The following TPM3 variants were observed in gnomAD, a reference collection of about 807,000 sequenced individuals.
TPM3 encodes tropomyosin 3, also known as tropomyosin alpha-3 chain.
A neutral mutation model predicts 43.1 loss-of-function variants in TPM3; 16 were observed. The ratio of observed to expected loss-of-function variants is 0.37; its 90% CI spans 0.25 to 0.56. The LOEUF (loss-of-function observed/expected upper bound fraction) is 0.56. Ranked by LOEUF, TPM3 falls within the 20% of genes least tolerant of loss-of-function variation. TPM3 has a pLI of 0.77. For synonymous variants in TPM3, 101 were observed against 116.9 expected (o/e 0.86, Z 0.88); for missense variants, 176 against 337.2 (o/e 0.52, Z 3.74).
chr1:154,172,415 A>ATT (rs200258420), intron 5 of TPM3: 6 of 565,580 alleles, frequency 1.1e-5, no homozygotes, highest in East Asian at 4.3e-5. Flanking sequence ...CAGACACCAG[A>ATT]TTTTTTTTTT....
intron 9 of TPM3, among the ~76,000 whole-genome samples, 189 bp downstream of exon 9, chr1:154,169,116 G>A (rs560786637): frequency 2.0e-5 from 3 of 152,172 alleles, no homozygotes; most frequent in South Asian, 2.1e-4. Context: ...GATTACAGGC[G>A]TGAGCCACCG....
At chr1:154,191,845 C>T (rs1453629058) in intron 1 of TPM3, 57 bp downstream of exon 1, 1 of 1,597,764 alleles carries the variant, frequency 6.3e-7, no homozygotes, top group South Asian at 1.1e-5. Flanking sequence ...TGAAAACTCC[C>T]TTCCATTTCA....
downstream of TPM3, among the ~76,000 whole-genome samples, chr1:154,160,696 G>A (rs1260372096): frequency 1.3e-5 from 2 of 152,154 alleles, no homozygotes; most frequent in Non-Finnish European, 2.9e-5. Context: ...ACACAGGATT[G>A]TTCTGTACAT....
At chr1:154,173,864 C>T (rs1037590558) in intron 3 of TPM3, among the ~76,000 whole-genome samples, 1 of 151,740 alleles carries the variant, frequency 6.6e-6, no homozygotes, top group Non-Finnish European at 1.5e-5. Flanking sequence ...TGGCAAGCAC[C>T]TGTAATCCCA....
intron 2 of TPM3, among the ~76,000 whole-genome samples, chr1:154,184,894 C>T (rs1056118377): frequency 6.6e-6 from 1 of 151,722 alleles, no homozygotes; most frequent in African/African-American, 2.4e-5. Context: ...GTCTGGGTGA[C>T]AGATTGAGAG....
At chr1:154,185,419 C>T (rs60409859) in intron 2 of TPM3, among the ~76,000 whole-genome samples, 3,568 of 146,726 alleles carry the variant, frequency 0.024, 265 homozygotes, top group African/African-American at 0.088. Flanking sequence ...CGCAGTGGCT[C>T]ACACCTGTAA....
intron 5 of TPM3, 34 bp downstream of exon 5, chr1:154,172,874 G>A (rs1661762016): frequency 1.9e-6 from 3 of 1,612,490 alleles, no homozygotes; most frequent in East Asian, 2.2e-5. Context: ...GGGATAAATT[G>A]GTAATGACAA....
At chr1:154,156,927 G>A (rs1659868452), downstream of TPM3, 1 of 198,146 alleles carries the variant, frequency 5.0e-6, no homozygotes, top group Admixed American at 6.0e-5. Context: ...GCAGTTGTGA[G>A]GGGGTAGAGA....
downstream of TPM3, chr1:154,157,859 T>C (rs1659966989): frequency 1.4e-6 from 1 of 708,162 alleles, no homozygotes; most frequent in Non-Finnish European, 2.6e-6. Context: ...AAGTGAGCTA[T>C]TACATCACCC....
chr1:154,183,232 A>G (rs1236835905), intron 2 of TPM3: 3 of 1,545,520 alleles, frequency 1.9e-6, no homozygotes, highest in South Asian at 2.3e-5. Flanking sequence ...GGAACTCACC[A>G]ACCCGCCCGG....
At chr1:154,185,084 C>G (rs1663346117) in intron 2 of TPM3, among the ~76,000 whole-genome samples, 2 of 152,112 alleles carry the variant, frequency 1.3e-5, no homozygotes, top group African/African-American at 4.8e-5. Flanking sequence ...TTAGAAACTT[C>G]CCTTTGGCCA....
At chr1:154,184,472 T>C (rs1026932113) in intron 2 of TPM3, among the ~76,000 whole-genome samples, 1 of 152,144 alleles carries the variant, frequency 6.6e-6, no homozygotes, top group African/African-American at 2.4e-5. Flanking sequence ...GGTGGGAGGA[T>C]GGCTTGAGCC....
At chr1:154,186,995 C>T (rs895841033) in intron 2 of TPM3, among the ~76,000 whole-genome samples, 3 of 151,656 alleles carry the variant, frequency 2.0e-5, no homozygotes, top group African/African-American at 7.3e-5. Flanking sequence ...TATTTATTAA[C>T]CTCAAGGACA....
At position 154,162,866 on chromosome 1, in the gene TPM3, A is replaced by G. The variant is rs748972315; in HGVS notation, c.*5071T>C. Among the ~76,000 whole-genome samples the G allele has an allele frequency of 1.3e-5, 2 of 152,216 alleles. No homozygotes were observed. Among genetic ancestry groups the G allele is most frequent in the African/African-American group, 2.4e-5 (1 of 41,450 alleles). Reference sequence around the variant, plus strand: ...ACAGGAGATACCACAGATCAGAGCTATAACACCTTACTTTTCTCCCAATCT... The same window carrying G: ...ACAGGAGATACCACAGATCAGAGCTGTAACACCTTACTTTTCTCCCAATCT... On this transcript the variant is annotated 3_prime_UTR_variant, in exon 10 of 10. Transcript: ENST00000651641.
At chr1:154,171,075 T>C (rs1661522884) in intron 6 of TPM3, 1 of 544,986 alleles carries the variant, frequency 1.8e-6, no homozygotes, top group Admixed American at 3.1e-5. Context: ...AAGTCATCTG[T>C]CTTGATTGCT....
At chr1:154,173,652 G>A (rs192843035) in intron 3 of TPM3, among the ~76,000 whole-genome samples, 7 of 137,626 alleles carry the variant, frequency 5.1e-5, no homozygotes, top group African/African-American at 1.9e-4. Flanking sequence ...CAATAAGAGC[G>A]AAACTCCGTC....
chr1:154,161,131 TAAAA>T (rs953940037), downstream of TPM3, among the ~76,000 whole-genome samples: 785 of 85,088 alleles, frequency 9.2e-3, 13 homozygotes, highest in African/African-American at 0.034. Context: ...ATGCAAATAT[TAAAA>T]AAAAAAAAAA....
intron 2 of TPM3, among the ~76,000 whole-genome samples, chr1:154,190,409 A>G (rs776327405): frequency 6.6e-6 from 1 of 152,202 alleles, no homozygotes; most frequent in Non-Finnish European, 1.5e-5. Context: ...CTTTGCAGCA[A>G]ACTTCAAGGT....
Position 154,191,564 on chromosome 1 carries a change from A to G in TPM3, c.118-253T>C, listed in dbSNP as rs1202924482. ...CAAGACCCCTGGATGATAAATATCT[A>G]AAGTGTAGATGCCCGTGATGCTATT... On this transcript the variant is annotated intron_variant, in intron 1 of 9. Coordinates refer to ENST00000651641, the MANE Select transcript of TPM3 (RefSeq NM_152263.4). 13 of 1,343,046 alleles carry G rather than the reference A, an allele frequency of 9.7e-6. No individual in the cohort carries two copies. In the East Asian group the frequency reaches 3.1e-4, roughly 32 times the overall value. The allele number at this position is 1,343,046 out of a possible 1,614,324, so 83.2% of individuals were successfully genotyped here. A position where few individuals can be genotyped will look rare whatever the true frequency, so the allele number is the denominator to read the frequency against.
Sources: gnomAD v4.1 joint callset for allele counts (sites outside exome capture counted in the v4.1 genomes callset) on GRCh38, gnomAD v4.1.1 for gene constraint, MANE v1.5 for transcripts, NCBI Gene and HGNC (gene_info 2026-07-23, HGNC 2026-07-21) for gene names.